Variants in ACOXL observed in about 807,000 individuals in gnomAD.
The protein encoded by ACOXL is acyl-CoA oxidase like.
In ACOXL, 70 loss-of-function variants were observed where a neutral mutation model predicts 71.9. The ratio of observed to expected loss-of-function variants is 0.97; its 90% CI spans 0.80 to 1.19. The LOEUF is 1.19. ACOXL is among the 50% of genes most tolerant of loss of function. The probability of loss-of-function intolerance (pLI) is 0.00; values close to 1 mark genes in which losing one functional copy is unlikely to be tolerated. For synonymous variants in ACOXL, 253 were observed against 281.6 expected, an observed-to-expected ratio of 0.90 and a Z score of 1.02; for missense variants, 703 against 736.3, an observed-to-expected ratio of 0.95 and a Z score of 0.52.
In ACOXL at chr2:110,799,023, GT is replaced by G; in HGVS notation, c.473del (p.Phe158SerfsTer21). On this transcript the variant is annotated frameshift_variant, in exon 7 of 18. Coordinates refer to ENST00000439055, the MANE Select transcript of ACOXL (RefSeq NM_001142807.4). LOFTEE classifies it high-confidence loss of function. ...TCGATGCCTTCCTTAGGGCCCCACTGTTTCATCGTTCCTGTCCGGGATGAAA... is the reference window on the plus strand; with the variant it reads ...TCGATGCCTTCCTTAGGGCCCCACTGTTCATCGTTCCTGTCCGGGATGAAA... ...IIDGRSQGPH[C>X]FIVPVRDENG... 1 of 1,613,928 alleles carries G rather than the reference GT, an allele frequency of 6.2e-7. No individual in the cohort carries two copies. The highest frequency in any genetic ancestry group is 8.5e-7 in the Non-Finnish European group (1 of 1,179,936).
chr2:111,079,215 T>C (rs543368644), intron 16 of ACOXL, among the ~76,000 whole-genome samples: 7 of 152,234 alleles, frequency 4.6e-5, no homozygotes, highest in Non-Finnish European at 7.4e-5. Context: ...ACCCAAATAA[T>C]GTACATTGTA....
chr2:110,828,059 C>T (rs1266467031), intron 9 of ACOXL, among the ~76,000 whole-genome samples: 1 of 152,178 alleles, frequency 6.6e-6, no homozygotes, highest in Non-Finnish European at 1.5e-5. Flanking sequence ...TAACCTCCAC[C>T]TCCCAGGTTC....
At chr2:110,904,982 G>A (rs1045626238) in intron 10 of ACOXL, among the ~76,000 whole-genome samples, 1 of 152,056 alleles carries the variant, frequency 6.6e-6, no homozygotes, top group African/African-American at 2.4e-5. Flanking sequence ...GTCGTTTGCT[G>A]TCTTCAGCAA....
chr2:110,748,969 G>A (rs944439035), intron 1 of ACOXL, among the ~76,000 whole-genome samples: 4 of 152,158 alleles, frequency 2.6e-5, no homozygotes, highest in Admixed American at 2.6e-4. Flanking sequence ...AAGGGACCAG[G>A]AAAAAGGGGC....
rs3059186 is a variant in ACOXL at position 110,914,176 on chromosome 2, GAGAA to G, written c.905+5275_905+5278del. 7.6e-3 allele frequency among the ~76,000 whole-genome samples: 1,156 copies of G among 152,224 alleles called. 15 individuals are homozygous for G. The highest frequency in any genetic ancestry group is 0.026 in the African/African-American group (1,074 of 41,536). ...GAGAAATATGTCTAATAAAGCTGTT[GAGAA>G]AGAGAGAGGAGGAAAAAAAAGAAAT... On this transcript the variant is annotated intron_variant, in intron 11 of 17. Coordinates refer to ENST00000439055, the MANE Select transcript of ACOXL (RefSeq NM_001142807.4).
intron 12 of ACOXL, among the ~76,000 whole-genome samples, chr2:110,948,299 A>T (rs2061189478): frequency 6.6e-6 from 1 of 152,204 alleles, no homozygotes. Context: ...GATTATATTT[A>T]ATGATTGCAT....
intron 10 of ACOXL, among the ~76,000 whole-genome samples, chr2:110,857,382 G>A (rs1693388689): frequency 6.6e-6 from 1 of 152,092 alleles, no homozygotes; most frequent in Admixed American, 6.5e-5. Context: ...CCATTCCTAA[G>A]GCCATCAAAG....
At chr2:110,957,445 G>C (rs1018511187) in intron 12 of ACOXL, among the ~76,000 whole-genome samples, 1 of 152,138 alleles carries the variant, frequency 6.6e-6, no homozygotes, top group South Asian at 2.1e-4. Context: ...GCTGCTATAC[G>C]AAGTGCCATA....
At chr2:111,014,585 A>C (rs763301638) in intron 14 of ACOXL, among the ~76,000 whole-genome samples, 2 of 152,220 alleles carry the variant, frequency 1.3e-5, no homozygotes, top group Non-Finnish European at 2.9e-5. Context: ...CATTTCAAGC[A>C]AAATCTTGGC....
At chr2:110,872,287 G>A (rs1256982878) in intron 10 of ACOXL, among the ~76,000 whole-genome samples, 1 of 152,194 alleles carries the variant, frequency 6.6e-6, no homozygotes, top group African/African-American at 2.4e-5. Context: ...GCAAGCCTGA[G>A]GCCCGTCAGG....
At chr2:110,957,066 A>G (rs957478270) in intron 12 of ACOXL, among the ~76,000 whole-genome samples, 2 of 151,864 alleles carry the variant, frequency 1.3e-5, no homozygotes, top group Non-Finnish European at 2.9e-5. Flanking sequence ...TGTCTATCCC[A>G]TGTTTCTTTC....
At chr2:110,757,434 T>C (rs1465584677) in intron 1 of ACOXL, among the ~76,000 whole-genome samples, 2 of 152,128 alleles carry the variant, frequency 1.3e-5, no homozygotes, top group African/African-American at 4.8e-5. Context: ...GATTGTGGGG[T>C]CAATTGGTAT....
chr2:111,044,320 T>C (rs556616198), intron 15 of ACOXL, among the ~76,000 whole-genome samples: 4 of 152,296 alleles, frequency 2.6e-5, no homozygotes, highest in African/African-American at 9.6e-5. Context: ...GGTTCCCCAG[T>C]AGCAACACAT....
At chr2:110,881,860 T>A (rs1413405986) in intron 10 of ACOXL, among the ~76,000 whole-genome samples, 2 of 151,836 alleles carry the variant, frequency 1.3e-5, no homozygotes, top group Non-Finnish European at 2.9e-5. Context: ...TGTATCACAG[T>A]TAGTTTACCC....
At chr2:110,993,807 A>G (rs991683164) in intron 13 of ACOXL, among the ~76,000 whole-genome samples, 1 of 152,168 alleles carries the variant, frequency 6.6e-6, no homozygotes, top group Non-Finnish European at 1.5e-5. Flanking sequence ...CAGTGTACTT[A>G]ATTGTAGTCA....
In ACOXL at chr2:111,073,681, A is replaced by G. The variant is rs192923623; in HGVS notation, c.1441-19184A>G. ...GTATAACTTTATACTAAGCCTTAAAATCAAATAAGATAATTCCTCTGACTT... is the reference window on the plus strand; with the variant it reads ...GTATAACTTTATACTAAGCCTTAAAGTCAAATAAGATAATTCCTCTGACTT... On this transcript the variant is annotated intron_variant, in intron 16 of 17. Coordinates refer to ENST00000439055, the MANE Select transcript of ACOXL (RefSeq NM_001142807.4). Among the ~76,000 whole-genome samples the G allele has an allele frequency of 4.7e-3, 714 of 152,288 alleles. 6 individuals are homozygous for G. Among genetic ancestry groups the G allele is most frequent in the Middle Eastern group, 0.014 (4 of 294 alleles).
chr2:110,956,681 C>G (rs529294002), intron 12 of ACOXL, among the ~76,000 whole-genome samples: 1 of 152,326 alleles, frequency 6.6e-6, no homozygotes, highest in East Asian at 1.9e-4. Context: ...AACTGGCCTC[C>G]TCTAACACAT....
intron 17 of ACOXL, among the ~76,000 whole-genome samples, chr2:111,101,485 G>C (rs966228503): frequency 6.6e-6 from 1 of 152,020 alleles, no homozygotes; most frequent in East Asian, 1.9e-4. Flanking sequence ...TCATTCCCCA[G>C]ACCACCTGGA....
At chr2:110,838,119 A>C (rs1690677747) in intron 9 of ACOXL, among the ~76,000 whole-genome samples, 1 of 152,230 alleles carries the variant, frequency 6.6e-6, no homozygotes, top group African/African-American at 2.4e-5. Context: ...ATGAGTGTGC[A>C]TGTGTGCACA....
Sources: allele counts gnomAD v4.1 joint callset (sites outside exome capture counted in the v4.1 genomes callset), GRCh38; gene constraint gnomAD v4.1.1; transcripts MANE v1.5; gene names NCBI Gene and HGNC (gene_info 2026-07-23, HGNC 2026-07-21).